The following SCFD2 variants were observed in gnomAD, a reference collection of about 807,000 sequenced individuals.
The protein encoded by SCFD2 is sec1 family domain containing 2.
A neutral mutation model predicts 58.9 loss-of-function variants in SCFD2; 54 were observed. That is an observed-to-expected ratio of 0.92 (90% CI 0.74 to 1.15). SCFD2 has a LOEUF of 1.15. Among genes scored for constraint, SCFD2 ranks in the 50% most tolerant of loss-of-function variants. The pLI is 0.00. For missense variants in SCFD2, 805 were observed against 836.6 expected, an observed-to-expected ratio of 0.96 and a Z score of 0.47; for synonymous variants, 321 against 335.9, an observed-to-expected ratio of 0.96 and a Z score of 0.49.
rs776189413 is a variant in SCFD2, at chr4:53,352,665, G to C, written c.940C>G (p.Leu314Val). 1.2e-6 allele frequency: 2 copies of C among 1,613,920 alleles called. No homozygotes were observed. The highest frequency in any genetic ancestry group is 4.5e-5 in the East Asian group (2 of 44,880). Residue 314 changes from leucine (L) to valine (V), a missense_variant, in exon 2 of 9, where the codon CTC becomes GTC. By Grantham distance (32) the Leu-to-Val change is conservative. Coordinates refer to ENST00000401642, the MANE Select transcript of SCFD2 (RefSeq NM_152540.4). ...TCCTCCTCAGTATGGAGTGCAGTGA[G>C]CGCTATCATGTTAACCATCACATCA... ...TNDVMVNMIA[L>V]TALHTEEENY...
chr4:53,208,060 C>T (rs1728491954), intron 4 of SCFD2, among the ~76,000 whole-genome samples: 1 of 151,660 alleles, frequency 6.6e-6, no homozygotes, highest in South Asian at 2.1e-4. Context: ...AGGCTCAAGC[C>T]ATCCTCCCAC....
At chr4:52,962,665 T>G (rs1186541600) in intron 5 of SCFD2, among the ~76,000 whole-genome samples, 1 of 149,894 alleles carries the variant, frequency 6.7e-6, no homozygotes, top group African/African-American at 2.5e-5. Flanking sequence ...ATGATGAAAA[T>G]AGTTTAGAGG....
chr4:53,025,092 T>A (rs1432187516), intron 5 of SCFD2, among the ~76,000 whole-genome samples: 1 of 151,878 alleles, frequency 6.6e-6, no homozygotes, highest in Non-Finnish European at 1.5e-5. Context: ...TTACTATAGT[T>A]ACGAAAAAAA....
At chr4:53,331,288 T>C (rs1733454927) in intron 2 of SCFD2, among the ~76,000 whole-genome samples, 1 of 151,226 alleles carries the variant, frequency 6.6e-6, no homozygotes, top group Non-Finnish European at 1.5e-5. Flanking sequence ...ATCAACAGAA[T>C]ATACATTTTT....
chr4:53,342,844 G>A (rs1399977150), intron 2 of SCFD2, among the ~76,000 whole-genome samples: 4 of 152,146 alleles, frequency 2.6e-5, no homozygotes, highest in Non-Finnish European at 5.9e-5. Flanking sequence ...TGAACAACCT[G>A]CTCCTGAATG....
chr4:53,073,731 C>T (rs558703001), intron 5 of SCFD2, among the ~76,000 whole-genome samples: 22 of 90,810 alleles, frequency 2.4e-4, no homozygotes, highest in African/African-American at 1.0e-3. Context: ...AAGTAAGTTG[C>T]ATGAATTTTT....
At chr4:53,301,194 G>A (rs1732275470) in intron 3 of SCFD2, among the ~76,000 whole-genome samples, 1 of 152,080 alleles carries the variant, frequency 6.6e-6, no homozygotes, top group African/African-American at 2.4e-5. Context: ...AAAATTGATA[G>A]ACCGCTAGCA....
chr4:53,309,378 A>G (rs988088941), intron 3 of SCFD2, among the ~76,000 whole-genome samples: 3 of 152,226 alleles, frequency 2.0e-5, no homozygotes, highest in Non-Finnish European at 4.4e-5. Flanking sequence ...GCTGACACTA[A>G]GATGTCCCAG....
intron 4 of SCFD2, among the ~76,000 whole-genome samples, chr4:53,231,188 CCTT>C (rs554774732): frequency 3.2e-4 from 48 of 151,948 alleles, no homozygotes; most frequent in Non-Finnish European, 6.3e-4. Context: ...AAAAAAAAAC[CCTT>C]CTTAATACTG....
chr4:53,355,864 T>A (rs890642157), intron 1 of SCFD2, among the ~76,000 whole-genome samples: 1 of 152,212 alleles, frequency 6.6e-6, no homozygotes, highest in African/African-American at 2.4e-5. Context: ...GGTAGCCACA[T>A]GGTATGCTTC....
At chr4:53,249,953 T>C (rs1254831051) in intron 4 of SCFD2, among the ~76,000 whole-genome samples, 2 of 152,136 alleles carry the variant, frequency 1.3e-5, no homozygotes, top group East Asian at 1.9e-4. Flanking sequence ...CATAACAATG[T>C]CAACTTTAAA....
chr4:53,134,867 G>A (rs1289072522), intron 5 of SCFD2, among the ~76,000 whole-genome samples: 1 of 152,104 alleles, frequency 6.6e-6, no homozygotes, highest in Non-Finnish European at 1.5e-5. Context: ...TAAATCAGAC[G>A]TTCTAGCTGG....
intron 4 of SCFD2, among the ~76,000 whole-genome samples, chr4:53,250,623 G>A (rs1229308924): frequency 2.0e-5 from 3 of 152,202 alleles, no homozygotes; most frequent in Admixed American, 2.0e-4. Flanking sequence ...TGGAAACTGA[G>A]CAAGCTGCTC....
rs369235851 is a variant in SCFD2 at position 53,230,306 on chromosome 4, C to T, written c.1311+43520G>A. 7.4e-4 allele frequency among the ~76,000 whole-genome samples: 112 copies of T among 152,186 alleles called. 2 individuals are homozygous for T. In the East Asian group the frequency reaches 0.018, roughly 24 times the overall value. On this transcript the variant is annotated intron_variant, in intron 4 of 8. Transcript: ENST00000401642. Reference sequence around the variant, plus strand: ...CAAAGGATTAGAAATCATGCTGCTACAAAGACACATGCACATGTATGTTTA... The same window carrying T: ...CAAAGGATTAGAAATCATGCTGCTATAAAGACACATGCACATGTATGTTTA...
Position 52,896,489 on chromosome 4 carries a change from C to G in SCFD2, c.1843-10623G>C, listed in dbSNP as rs1719017116. Among the ~76,000 whole-genome samples, 5 of 152,142 alleles carry G rather than the reference C, an allele frequency of 3.3e-5. No individual in the cohort carries two copies. In the South Asian group the frequency reaches 1.0e-3, roughly 32 times the overall value. On this transcript the variant is annotated intron_variant, in intron 7 of 8. Coordinates refer to ENST00000401642, the MANE Select transcript of SCFD2 (RefSeq NM_152540.4). Reference sequence around the variant, plus strand: ...TAGTTGTAGATATGCGGCATTATTTCTGAGGGCTCTGTTCTGTTCCATTGG... The same window carrying G: ...TAGTTGTAGATATGCGGCATTATTTGTGAGGGCTCTGTTCTGTTCCATTGG...
intron 3 of SCFD2, among the ~76,000 whole-genome samples, chr4:53,290,368 G>C (rs149904405): frequency 6.6e-6 from 1 of 152,054 alleles, no homozygotes. Context: ...ACATGCTCCT[G>C]AACAAACATG....
At chr4:53,125,117 A>G (rs1438798151) in intron 5 of SCFD2, among the ~76,000 whole-genome samples, 1 of 152,152 alleles carries the variant, frequency 6.6e-6, no homozygotes. Flanking sequence ...GGTCATTCTG[A>G]GCTAGGATGA....
chr4:53,246,123 G>T (rs1451800775), intron 4 of SCFD2, among the ~76,000 whole-genome samples: 1 of 151,956 alleles, frequency 6.6e-6, no homozygotes, highest in East Asian at 1.9e-4. Context: ...AAACACCTAG[G>T]AATATAGCTA....
intron 5 of SCFD2, among the ~76,000 whole-genome samples, chr4:53,078,100 C>T (rs979667921): frequency 6.6e-6 from 1 of 152,166 alleles, no homozygotes; most frequent in Non-Finnish European, 1.5e-5. Context: ...GGTTAAATTA[C>T]AGGAGCAATT....
Sources: gnomAD v4.1 joint callset for allele counts (sites outside exome capture counted in the v4.1 genomes callset) on GRCh38, gnomAD v4.1.1 for gene constraint, MANE v1.5 for transcripts, NCBI Gene and HGNC (gene_info 2026-07-23, HGNC 2026-07-21) for gene names.